PCDH15: variants seen among roughly 807,000 people sequenced by gnomAD.
The protein encoded by PCDH15 is protocadherin related 15.
PCDH15 carries 129 observed loss-of-function variants against 178.5 expected under a neutral mutation model. That is an observed-to-expected ratio of 0.72 (90% CI 0.63 to 0.84). The LOEUF (loss-of-function observed/expected upper bound fraction) is 0.84. PCDH15 is among the 40% of genes least tolerant of loss of function. PCDH15 has a pLI of 0.00. For synonymous variants in PCDH15, 800 were observed against 732.0 expected (o/e 1.09, Z -1.50); for missense variants, 2,230 against 2,099.9 (o/e 1.06, Z -1.21).
At chr10:54,118,759 C>G (rs1164156981) in intron 15 of PCDH15, among the ~76,000 whole-genome samples, 1 of 143,208 alleles carries the variant, frequency 7.0e-6, no homozygotes, top group Non-Finnish European at 1.5e-5. Flanking sequence ...AGAAGAAAAC[C>G]TAGGAAAGTT....
chr10:54,930,183 G>C (rs2131852182), intron 2 of PCDH15, among the ~76,000 whole-genome samples: 1 of 152,246 alleles, frequency 6.6e-6, no homozygotes, highest in Non-Finnish European at 1.5e-5. Flanking sequence ...AGCCAACCAA[G>C]TAAAAAATCC....
intron 2 of PCDH15, among the ~76,000 whole-genome samples, chr10:55,621,796 T>A (rs1242360278): frequency 6.6e-6 from 1 of 150,882 alleles, no homozygotes; most frequent in Non-Finnish European, 1.5e-5. Context: ...AAAGGGTACA[T>A]GTGGTAATTA....
chr10:54,581,831 A>G (rs2091073736), intron 2 of PCDH15, among the ~76,000 whole-genome samples: 1 of 152,052 alleles, frequency 6.6e-6, no homozygotes, highest in Admixed American at 6.6e-5. Context: ...GTAATGTTCA[A>G]TATATGGTAC....
At chr10:54,862,541 C>T (rs985110856) in intron 3 of PCDH15, among the ~76,000 whole-genome samples, 3 of 152,034 alleles carry the variant, frequency 2.0e-5, no homozygotes, top group Non-Finnish European at 4.4e-5. Context: ...AAATTTGATC[C>T]CCAACGCAGC....
chr10:55,103,088 A>G (rs1321913504), intron 2 of PCDH15, among the ~76,000 whole-genome samples: 1 of 148,912 alleles, frequency 6.7e-6, no homozygotes, highest in East Asian at 2.0e-4. Flanking sequence ...ATAGAAATAT[A>G]TGGTAATTTC....
chr10:54,909,811 G>A (rs1591777186), intron 2 of PCDH15, among the ~76,000 whole-genome samples: 1 of 152,096 alleles, frequency 6.6e-6, no homozygotes, highest in Non-Finnish European at 1.5e-5. Context: ...CTCCACTTGG[G>A]GGCCCTTCTC....
intron 2 of PCDH15, chr10:54,528,488 A>G: frequency 9.9e-7 from 1 of 1,008,510 alleles, no homozygotes; most frequent in Non-Finnish European, 1.5e-6. Context: ...GTATATATTT[A>G]GTGAGAGATT....
At chr10:53,884,405 C>T (rs1243973791) in intron 26 of PCDH15, among the ~76,000 whole-genome samples, 1 of 152,060 alleles carries the variant, frequency 6.6e-6, no homozygotes, top group East Asian at 1.9e-4. Flanking sequence ...CATTTCTAAA[C>T]CATGGAAGAT....
At chr10:54,136,596 T>G (rs2042926100) in intron 14 of PCDH15, among the ~76,000 whole-genome samples, 1 of 152,184 alleles carries the variant, frequency 6.6e-6, no homozygotes, top group African/African-American at 2.4e-5. Context: ...CTTTTTGTAT[T>G]TCTTTATTCC....
Position 54,185,221 on chromosome 10 carries a change from G to A in PCDH15, c.1353C>T (p.Val451=). 6.2e-7 allele frequency: 1 copy of A among 1,613,642 alleles called. No individual in the cohort carries two copies. The highest frequency in any genetic ancestry group is 1.3e-5 in the African/African-American group (1 of 75,008). ...LHLFLNDYTS[V]FTVTQTGITR... ...TAATACCAGTCTGTGTGACGGTGAA[G>A]ACTGAGGTGTAGTCATTCAGAAAAA... is the stretch of plus-strand genomic sequence containing the variant. The change falls in exon 12 of 38, where the codon GTC becomes GTT. Residue 451 remains valine, a synonymous_variant. Coordinates refer to ENST00000644397, the MANE Select transcript of PCDH15 (RefSeq NM_001384140.1).
chr10:54,612,047 G>A (rs753403807), intron 2 of PCDH15, among the ~76,000 whole-genome samples: 3 of 151,826 alleles, frequency 2.0e-5, no homozygotes, highest in Non-Finnish European at 4.4e-5. Context: ...AGGTATATGT[G>A]TCTTTGAACC....
intron 13 of PCDH15, among the ~76,000 whole-genome samples, chr10:54,175,304 T>C (rs934384314): frequency 1.3e-5 from 2 of 152,208 alleles, no homozygotes; most frequent in African/African-American, 4.8e-5. Flanking sequence ...TAAAATACGA[T>C]GTAGTTTTAT....
chr10:55,250,796 A>C (rs1268044141), intron 1 of PCDH15, among the ~76,000 whole-genome samples: 1 of 151,900 alleles, frequency 6.6e-6, no homozygotes, highest in African/African-American at 2.4e-5. Context: ...CAGCCTCCCA[A>C]AGTGCTGGGA....
At chr10:54,219,876 G>T (rs1277415195) in intron 9 of PCDH15, among the ~76,000 whole-genome samples, 1 of 151,814 alleles carries the variant, frequency 6.6e-6, no homozygotes, top group African/African-American at 2.4e-5. Context: ...TCAAATATTT[G>T]TGGATTAAAA....
intron 9 of PCDH15, among the ~76,000 whole-genome samples, chr10:54,235,027 G>C (rs1414641995): frequency 6.6e-6 from 1 of 151,986 alleles, no homozygotes; most frequent in Non-Finnish European, 1.5e-5. Flanking sequence ...AACCCACCTG[G>C]CAAGCTTCAG....
intron 2 of PCDH15, among the ~76,000 whole-genome samples, chr10:55,099,782 C>A (rs1842533209): frequency 1.3e-5 from 2 of 150,540 alleles, no homozygotes; most frequent in Non-Finnish European, 2.9e-5. Flanking sequence ...AACTTGACTG[C>A]CAAAAAAAAG....
At chr10:54,453,057 C>G (rs2211383) in intron 3 of PCDH15, among the ~76,000 whole-genome samples, 16 of 151,860 alleles carry the variant, frequency 1.1e-4, no homozygotes, top group South Asian at 4.1e-4. Context: ...ACTGTTGGTG[C>G]GACTGTAAAC....
At chr10:54,074,024 T>C (rs2094295233) in intron 17 of PCDH15, among the ~76,000 whole-genome samples, 1 of 152,166 alleles carries the variant, frequency 6.6e-6, no homozygotes, top group South Asian at 2.1e-4. Flanking sequence ...TCTTCTGGCA[T>C]TCATCTTTAT....
intron 1 of PCDH15, among the ~76,000 whole-genome samples, chr10:55,250,345 C>A (rs2132222660): frequency 6.6e-6 from 1 of 151,754 alleles, no homozygotes; most frequent in South Asian, 2.1e-4. Context: ...TAGGGTCTCA[C>A]TTTTTTGCCC....
Sources: gnomAD v4.1 joint callset for allele counts (sites outside exome capture counted in the v4.1 genomes callset) on GRCh38, gnomAD v4.1.1 for gene constraint, MANE v1.5 for transcripts, NCBI Gene and HGNC (gene_info 2026-07-23, HGNC 2026-07-21) for gene names.